The following KCNIP3 variants were observed in gnomAD, a reference collection of about 807,000 sequenced individuals.
KCNIP3 encodes potassium voltage-gated channel interacting protein 3, also known as calsenilin.
In KCNIP3, 28 loss-of-function variants were observed where a neutral mutation model predicts 35.0. The observed-to-expected ratio is 0.80, with a 90% CI of 0.59 to 1.10. The LOEUF (loss-of-function observed/expected upper bound fraction) is 1.10, where lower values mean the gene tolerates loss of function less well. Among genes scored for constraint, KCNIP3 ranks in the 50% least tolerant of loss-of-function variants. The pLI is 0.00. For missense variants in KCNIP3, 295 were observed against 338.4 expected (o/e 0.87, Z 1.01); for synonymous variants, 134 against 133.8 (o/e 1.00, Z -0.01).
At chr2:95,380,752 C>T (rs1391020976) in intron 5 of KCNIP3, among the ~76,000 whole-genome samples, 3 of 152,188 alleles carry the variant, frequency 2.0e-5, no homozygotes, top group Admixed American at 1.3e-4. Flanking sequence ...CCTGGGATTA[C>T]ACCTGTAATC....
intron 2 of KCNIP3, among the ~76,000 whole-genome samples, chr2:95,371,954 G>A (rs1394266752): frequency 1.4e-4 from 21 of 151,830 alleles, no homozygotes; most frequent in East Asian, 1.9e-4. Flanking sequence ...ACAGGTGCCC[G>A]CCACTGCACC....
At chr2:95,305,664 C>A (rs1311853613) in intron 1 of KCNIP3, among the ~76,000 whole-genome samples, 2 of 152,338 alleles carry the variant, frequency 1.3e-5, no homozygotes, top group Non-Finnish European at 2.9e-5. Flanking sequence ...CTGCCTCCCC[C>A]CATCCTTAAC....
chr2:95,299,662 G>A (rs927535113), intron 1 of KCNIP3, among the ~76,000 whole-genome samples: 5 of 152,256 alleles, frequency 3.3e-5, no homozygotes, highest in Non-Finnish European at 7.3e-5. Context: ...TGCTGTCGCG[G>A]TGTTGAGGCT....
chr2:95,299,565 C>G (rs1198714387), intron 1 of KCNIP3, among the ~76,000 whole-genome samples: 1 of 152,200 alleles, frequency 6.6e-6, no homozygotes, highest in Non-Finnish European at 1.5e-5. Flanking sequence ...GCTCAGAAAA[C>G]TGGAACAGCT....
At position 95,310,397 on chromosome 2, in the gene KCNIP3, G is replaced by A. The variant is rs142066393; in HGVS notation, c.58G>A (p.Gly20Arg). Reference sequence around the variant, plus strand: ...GGACGGCAGCCTCCTGGGGGACCTCGGGCACACACCACTTAGCAAGAAGGA... The same window carrying A: ...GGACGGCAGCCTCCTGGGGGACCTCAGGCACACACCACTTAGCAAGAAGGA... ...ASDGSLLGDL[G>R]HTPLSKKEGI... Residue 20 changes from glycine to arginine, a missense_variant, in exon 2 of 9, where the codon GGG becomes AGG. Coordinates refer to ENST00000295225, the MANE Select transcript of KCNIP3 (RefSeq NM_013434.5). 1.2e-6 allele frequency: 2 copies of A among 1,613,112 alleles called. No individual in the cohort carries two copies. The highest frequency in any genetic ancestry group is 1.7e-6 in the Non-Finnish European group (2 of 1,179,508).
chr2:95,318,989 G>A (rs923631910), intron 2 of KCNIP3, among the ~76,000 whole-genome samples: 9 of 152,218 alleles, frequency 5.9e-5, no homozygotes, highest in Non-Finnish European at 1.3e-4. Flanking sequence ...GGGCTGGGCT[G>A]CCACAGCATC....
intron 1 of KCNIP3, among the ~76,000 whole-genome samples, chr2:95,300,858 C>T (rs1678008635): frequency 2.0e-5 from 3 of 152,204 alleles, no homozygotes; most frequent in Admixed American, 1.3e-4. Flanking sequence ...CAGCTCTCTG[C>T]CCAGCATGCC....
intron 2 of KCNIP3, among the ~76,000 whole-genome samples, chr2:95,329,221 C>G (rs375182211): frequency 3.3e-5 from 5 of 151,880 alleles, no homozygotes; most frequent in South Asian, 2.1e-4. Flanking sequence ...GCTCCCAGCG[C>G]GGGCCAAGCC....
chr2:95,331,218 A>G (rs180787591), intron 2 of KCNIP3, among the ~76,000 whole-genome samples: 1 of 152,030 alleles, frequency 6.6e-6, no homozygotes, highest in African/African-American at 2.4e-5. Flanking sequence ...ATTTGGAGGC[A>G]CTCTGAAGAT....
chr2:95,298,977 T>A (rs1426640349), intron 1 of KCNIP3: 1 of 152,230 alleles, frequency 6.6e-6, no homozygotes, highest in African/African-American at 2.4e-5. Flanking sequence ...AGCTCTGACC[T>A]CCAGCAGAAG....
chr2:95,347,474 C>T (rs985897855), intron 2 of KCNIP3, among the ~76,000 whole-genome samples: 2 of 152,170 alleles, frequency 1.3e-5, no homozygotes, highest in Admixed American at 6.5e-5. Flanking sequence ...CAGGAAGGAC[C>T]CTCAGCCCAG....
At position 95,377,880 on chromosome 2, in the gene KCNIP3, G is replaced by A. The variant is rs1428144896; in HGVS notation, c.447+2672G>A. 2.0e-5 allele frequency among the ~76,000 whole-genome samples: 3 copies of A among 152,186 alleles called. No homozygotes were observed. Among genetic ancestry groups the A allele is most frequent in the Admixed American group, 6.5e-5 (1 of 15,282 alleles). On this transcript the variant is annotated intron_variant, in intron 5 of 8. Coordinates refer to ENST00000295225, the MANE Select transcript of KCNIP3 (RefSeq NM_013434.5). This position sits in a 1 kb window ranked among gnomAD's most constrained non-coding sequence, Gnocchi z 4.7. ...TGTGGCTGAACATGAGGGCTTCTCC[G>A]CAGCAGACAGACAGACCACCTGAGG...
At chr2:95,380,200 A>G (rs1253488335) in intron 5 of KCNIP3, among the ~76,000 whole-genome samples, 1 of 152,092 alleles carries the variant, frequency 6.6e-6, no homozygotes. Flanking sequence ...TTTAATTTCC[A>G]AGAGCTCTTT....
intron 8 of KCNIP3, 48 bp downstream of exon 8, chr2:95,383,342 G>A (rs1430488189): frequency 5.1e-6 from 8 of 1,583,568 alleles, no homozygotes; most frequent in Middle Eastern, 1.7e-4. Context: ...GGCTCTACAC[G>A]GAGGTGGGTG....
chr2:95,354,802 C>A (rs1184919652), intron 2 of KCNIP3, among the ~76,000 whole-genome samples: 2 of 152,218 alleles, frequency 1.3e-5, no homozygotes, highest in Non-Finnish European at 2.9e-5. Context: ...TCCTTTCCCC[C>A]AACACCCTCT....
At chr2:95,343,665 C>T (rs1341763053) in intron 2 of KCNIP3, among the ~76,000 whole-genome samples, 1 of 152,216 alleles carries the variant, frequency 6.6e-6, no homozygotes, top group Non-Finnish European at 1.5e-5. Flanking sequence ...ACCACCAGTA[C>T]AGCTGTGGTA....
intron 2 of KCNIP3, among the ~76,000 whole-genome samples, chr2:95,350,501 C>T (rs1468062685): frequency 1.3e-5 from 2 of 152,192 alleles, no homozygotes; most frequent in African/African-American, 2.4e-5. Flanking sequence ...GAACTGGAGC[C>T]TTCTCCTGTC....
At chr2:95,374,973 C>T in intron 4 of KCNIP3, 56 bp downstream of exon 4, 1 of 1,580,880 alleles carries the variant, frequency 6.3e-7, no homozygotes, top group Non-Finnish European at 8.7e-7. Context: ...AGGGGACCCT[C>T]CTGCTGCCCC....
rs190790195 is a variant in KCNIP3, at chr2:95,335,002, T to G, written c.181+24482T>G. ...GAGGGGCCTGCTACCACAGTAACAC[T>G]TGGGCATGTGTCAAGTCCCCACTTG... On this transcript the variant is annotated intron_variant, in intron 2 of 8. Coordinates refer to ENST00000295225, the MANE Select transcript of KCNIP3 (RefSeq NM_013434.5). 2.6e-5 allele frequency among the ~76,000 whole-genome samples: 4 copies of G among 152,346 alleles called. No homozygotes were observed. In the East Asian group the frequency reaches 5.8e-4, roughly 22 times the overall value.
Sources: allele counts gnomAD v4.1 joint callset (sites outside exome capture counted in the v4.1 genomes callset), GRCh38; gene constraint gnomAD v4.1.1; non-coding constraint Gnocchi (gnomAD v3.1); transcripts MANE v1.5; gene names NCBI Gene and HGNC (gene_info 2026-07-23, HGNC 2026-07-21).